The following RASSF3 variants were observed in gnomAD, a reference collection of about 807,000 sequenced individuals.
RASSF3 encodes Ras association domain family member 3.
In RASSF3, 19 loss-of-function variants were observed where a neutral mutation model predicts 19.9. The ratio of observed to expected loss-of-function variants is 0.96; its 90% CI spans 0.67 to 1.40. RASSF3 has a LOEUF of 1.40. Ranked by LOEUF, RASSF3 falls within the 40% of genes most tolerant of loss-of-function variation. RASSF3 has a pLI of 0.00. For missense variants in RASSF3, 306 were observed against 289.8 expected, an observed-to-expected ratio of 1.06 and a Z score of -0.41; for synonymous variants, 110 against 104.2, an observed-to-expected ratio of 1.06 and a Z score of -0.34.
At chr12:64,672,394 T>C (rs1872729286) in intron 1 of RASSF3, among the ~76,000 whole-genome samples, 1 of 152,028 alleles carries the variant, frequency 6.6e-6, no homozygotes, top group African/African-American at 2.4e-5. Flanking sequence ...CCCAGCTAAT[T>C]ATTGTATTTT....
At chr12:64,662,764 C>T (rs1872413826) in intron 1 of RASSF3, among the ~76,000 whole-genome samples, 1 of 152,138 alleles carries the variant, frequency 6.6e-6, no homozygotes, top group South Asian at 2.1e-4. Flanking sequence ...GGGGTCCAGA[C>T]CCCATCCCGT....
Position 64,596,119 on chromosome 12 carries a change from T to C in RASSF3, c.294+54414T>C, listed in dbSNP as rs4964086. On this transcript the variant is annotated intron_variant, in intron 2 of 5. Transcript: ENST00000637125. ...GACAGGCCTTGCTGGGTTTCCCCAC[T>C]CAGTCTACTAGCATTTGATCAGACC... Among the ~76,000 whole-genome samples the C allele has an allele frequency of 1.8e-3, 275 of 152,332 alleles. 5 individuals carry two copies. Among genetic ancestry groups the C allele is most frequent in the Admixed American group, 0.016 (245 of 15,288 alleles).
At chr12:64,594,011 CAAAAAAAAAAAAA>C (rs34463362) in intron 2 of RASSF3, among the ~76,000 whole-genome samples, 1 of 45,976 alleles carries the variant, frequency 2.2e-5, no homozygotes, top group Non-Finnish European at 3.8e-5. Flanking sequence ...GACTCTGTCT[CAAAAAAAAAAAAA>C]AAAAAAAAAA....
chr12:64,612,108 G>A (rs984113238), intron 1 of RASSF3, among the ~76,000 whole-genome samples: 2 of 152,166 alleles, frequency 1.3e-5, no homozygotes, highest in Non-Finnish European at 2.9e-5. Context: ...TTGCTGTGAA[G>A]TTTGGAAGTT....
At chr12:64,567,382 A>G (rs2136128517) in intron 2 of RASSF3, among the ~76,000 whole-genome samples, 1 of 152,288 alleles carries the variant, frequency 6.6e-6, no homozygotes, top group East Asian at 1.9e-4. Context: ...CTGGGCACAC[A>G]GCTACATTCT....
chr12:64,600,359 C>G (rs1009192364), intron 2 of RASSF3, among the ~76,000 whole-genome samples: 50 of 152,188 alleles, frequency 3.3e-4, no homozygotes, highest in East Asian at 1.9e-3. Context: ...TTTTGTCCCC[C>G]CTGTGGGCTT....
intron 2 of RASSF3, among the ~76,000 whole-genome samples, chr12:64,575,440 C>G (rs867033067): frequency 3.9e-5 from 6 of 152,090 alleles, no homozygotes; most frequent in African/African-American, 1.4e-4. Flanking sequence ...GTAGTCCCAG[C>G]TACTCGGGAG....
intron 2 of RASSF3, among the ~76,000 whole-genome samples, chr12:64,592,002 C>T (rs759321087): frequency 2.6e-5 from 4 of 151,840 alleles, no homozygotes; most frequent in Non-Finnish European, 2.9e-5. Flanking sequence ...CCCAGACCCA[C>T]GAGATCCTCC....
At chr12:64,578,703 G>A (rs17223186) in intron 2 of RASSF3, among the ~76,000 whole-genome samples, 6,459 of 152,244 alleles carry the variant, frequency 0.042, 201 homozygotes, top group East Asian at 0.065. Flanking sequence ...ACCCAAGGTC[G>A]TGAAACTAAA....
intron 1 of RASSF3, among the ~76,000 whole-genome samples, chr12:64,641,006 A>T (rs1319918616): frequency 1.3e-5 from 2 of 152,124 alleles, no homozygotes; most frequent in African/African-American, 4.8e-5. Context: ...GTATATATAC[A>T]TTGCATTTTT....
At chr12:64,599,545 G>T (rs1452449616) in intron 2 of RASSF3, among the ~76,000 whole-genome samples, 1 of 152,138 alleles carries the variant, frequency 6.6e-6, no homozygotes, top group East Asian at 1.9e-4. Context: ...AACCCTTGTG[G>T]TTTCCTCTGA....
At chr12:64,525,429 T>C (rs1405363489) in intron 1 of RASSF3, among the ~76,000 whole-genome samples, 1 of 152,242 alleles carries the variant, frequency 6.6e-6, no homozygotes, top group South Asian at 2.1e-4. Context: ...TCCTTCTTTT[T>C]AGATGCTATG....
intron 1 of RASSF3, among the ~76,000 whole-genome samples, chr12:64,511,139 G>T (rs1356835848): frequency 1.3e-5 from 2 of 152,138 alleles, no homozygotes; most frequent in African/African-American, 4.8e-5. Flanking sequence ...ATGGAGGAAA[G>T]TTTCTTGATG....
At chr12:64,693,835 G>A (rs769025144) in intron 4 of RASSF3, among the ~76,000 whole-genome samples, 3 of 152,180 alleles carry the variant, frequency 2.0e-5, no homozygotes, top group African/African-American at 7.2e-5. Flanking sequence ...CGAGAAGTAC[G>A]GCAGCTGTGG....
chr12:64,575,047 C>A (rs1199592291), intron 2 of RASSF3, among the ~76,000 whole-genome samples: 4 of 152,014 alleles, frequency 2.6e-5, no homozygotes, highest in East Asian at 1.9e-4. Flanking sequence ...TGAATGGATA[C>A]CTTAGCCAAT....
intron 1 of RASSF3, among the ~76,000 whole-genome samples, chr12:64,523,722 A>T (rs1443562059): frequency 6.6e-6 from 1 of 151,496 alleles, no homozygotes; most frequent in African/African-American, 2.4e-5. Context: ...TTTGAGACAG[A>T]GTCTTGCTAT....
At chr12:64,661,497 G>A (rs913062233) in intron 1 of RASSF3, among the ~76,000 whole-genome samples, 2 of 151,814 alleles carry the variant, frequency 1.3e-5, no homozygotes, top group Non-Finnish European at 2.9e-5. Context: ...AAAAAGGGGC[G>A]CAGGGGGTTC....
At chr12:64,558,399 A>G (rs1347398308) in intron 2 of RASSF3, among the ~76,000 whole-genome samples, 1 of 152,154 alleles carries the variant, frequency 6.6e-6, no homozygotes, top group Non-Finnish European at 1.5e-5. Flanking sequence ...AATATGTGAC[A>G]CAAAAATTTT....
intron 1 of RASSF3, among the ~76,000 whole-genome samples, chr12:64,610,989 C>T (rs1870336227): frequency 6.6e-6 from 1 of 152,178 alleles, no homozygotes; most frequent in Non-Finnish European, 1.5e-5. Flanking sequence ...CCTTCCGCGC[C>T]AGATGGCCTC....
Sources: allele counts gnomAD v4.1 joint callset (sites outside exome capture counted in the v4.1 genomes callset), GRCh38; gene constraint gnomAD v4.1.1; transcripts MANE v1.5; gene names NCBI Gene and HGNC (gene_info 2026-07-23, HGNC 2026-07-21).